Variants in SHTN1 observed in about 807,000 individuals in gnomAD.
SHTN1 encodes shootin 1.
SHTN1 carries 42 observed loss-of-function variants against 83.1 expected under a neutral mutation model. The ratio of observed to expected loss-of-function variants is 0.51; its 90% confidence interval spans 0.39 to 0.65. SHTN1 has a LOEUF of 0.65. Among genes scored for constraint, SHTN1 ranks in the 30% least tolerant of loss-of-function variants. SHTN1 has a pLI of 0.00. For missense variants in SHTN1, 622 were observed against 737.8 expected, an observed-to-expected ratio of 0.84 and a Z score of 1.82; for synonymous variants, 224 against 247.7, an observed-to-expected ratio of 0.90 and a Z score of 0.90.
At chr10:117,002,028 A>G (rs1337944052) in intron 1 of SHTN1, among the ~76,000 whole-genome samples, 1 of 152,176 alleles carries the variant, frequency 6.6e-6, no homozygotes, top group Non-Finnish European at 1.5e-5. Flanking sequence ...AAAATTCAAA[A>G]ACTTGTCAGG....
chr10:116,965,789 T>G (rs780722196), intron 3 of SHTN1, among the ~76,000 whole-genome samples: 8 of 152,162 alleles, frequency 5.3e-5, no homozygotes, highest in Admixed American at 6.5e-5. Context: ...GATTATCTTT[T>G]TTCACCCTCA....
At chr10:116,972,936 A>G (rs1589857608) in intron 2 of SHTN1, among the ~76,000 whole-genome samples, 1 of 152,180 alleles carries the variant, frequency 6.6e-6, no homozygotes, top group Admixed American at 6.5e-5. Context: ...GCTATTTTCC[A>G]TATCTCTTCC....
intron 1 of SHTN1, among the ~76,000 whole-genome samples, chr10:117,054,530 C>T (rs370128753): frequency 1.2e-3 from 181 of 151,656 alleles, no homozygotes; most frequent in Non-Finnish European, 1.5e-3. Flanking sequence ...CTCAGCCTCC[C>T]GAGTAGCTGG....
chr10:116,977,662 C>CTGTG (rs750351561), intron 2 of SHTN1, among the ~76,000 whole-genome samples: 41,949 of 147,656 alleles, frequency 0.28, 6,049 homozygotes, highest in East Asian at 0.53. Context: ...CTTTCTTACT[C>CTGTG]TGTGTGTGTG....
rs553451501 is a variant in SHTN1 at position 116,926,000 on chromosome 10, CA to C, written c.1112+1791del. ...CTCTTTGACAAGAAAGCACTCCTCA[CA>C]AAAAAAAAACTCTTTTCTTTAAAAA... On this transcript the variant is annotated intron_variant, in intron 11 of 16. Coordinates refer to ENST00000355371, the MANE Select transcript of SHTN1 (RefSeq NM_001127211.3). Among the ~76,000 whole-genome samples the C allele has an allele frequency of 1.3e-3, 190 of 146,268 alleles. 2 individuals are homozygous for C. The South Asian group carries it at 0.023, about 18-fold the overall frequency.
At chr10:116,900,238 C>T (rs1847682531) in intron 16 of SHTN1, 1 of 318,840 alleles carries the variant, frequency 3.1e-6, no homozygotes, top group African/African-American at 2.1e-5. Context: ...GTTAATACAG[C>T]AGTCCACAGT....
chr10:116,979,334 T>A, intron 1 of SHTN1, 26 bp from the exon 2 acceptor site: 1 of 1,602,462 alleles, frequency 6.2e-7, no homozygotes, highest in Non-Finnish European at 8.5e-7. Context: ...AAAGCAACAT[T>A]ACAACACTGT....
chr10:116,939,915 G>C (rs1364787668), intron 9 of SHTN1, among the ~76,000 whole-genome samples: 1 of 152,164 alleles, frequency 6.6e-6, no homozygotes, highest in Non-Finnish European at 1.5e-5. Flanking sequence ...TTGGCACACA[G>C]AGGTAGGCTG....
chr10:117,077,298 A>C (rs1023591680), intron 1 of SHTN1, among the ~76,000 whole-genome samples: 12 of 152,222 alleles, frequency 7.9e-5, no homozygotes, highest in African/African-American at 2.9e-4. Flanking sequence ...TAAGATGGAA[A>C]GATAGTGAAT....
chr10:117,029,081 A>T (rs1852369900), intron 2 of SHTN1, among the ~76,000 whole-genome samples: 1 of 152,196 alleles, frequency 6.6e-6, no homozygotes, highest in Non-Finnish European at 1.5e-5. Context: ...AGAGCTGCCC[A>T]AGGCCTTGGG....
intron 14 of SHTN1, among the ~76,000 whole-genome samples, chr10:116,908,564 A>G (rs1848065629): frequency 6.6e-6 from 1 of 152,200 alleles, no homozygotes; most frequent in Non-Finnish European, 1.5e-5. Context: ...GATATTTGAA[A>G]AACACATGGT....
intron 11 of SHTN1, among the ~76,000 whole-genome samples, chr10:116,922,856 A>ACTT (rs1190851606): frequency 1.3e-5 from 2 of 152,130 alleles, no homozygotes; most frequent in African/African-American, 4.8e-5. Context: ...AATCCCAGCT[A>ACTT]CTTGGGAAGC....
intron 3 of SHTN1, among the ~76,000 whole-genome samples, chr10:116,963,762 A>G (rs562823788): frequency 1.3e-5 from 2 of 152,252 alleles, no homozygotes; most frequent in South Asian, 4.1e-4. Context: ...GGGATTCGTT[A>G]AATTATTTTC....
chr10:117,020,499 CAAAA>C (rs375685514), intron 2 of SHTN1, among the ~76,000 whole-genome samples: 1 of 109,414 alleles, frequency 9.1e-6, no homozygotes, highest in Admixed American at 9.7e-5. Context: ...GACTCCGTCT[CAAAA>C]AAAAAAAAAA....
chr10:116,957,684 C>A (rs1850033004), intron 4 of SHTN1, among the ~76,000 whole-genome samples: 1 of 152,184 alleles, frequency 6.6e-6, no homozygotes. Flanking sequence ...GGCTTTGGAT[C>A]ATATGACTTA....
chr10:116,902,446 A>C (rs1847781857), intron 15 of SHTN1, among the ~76,000 whole-genome samples: 1 of 152,212 alleles, frequency 6.6e-6, no homozygotes, highest in African/African-American at 2.4e-5. Context: ...TTTTAATGTG[A>C]ATGAGAAGTA....
chr10:116,987,579 TTA>T (rs1851261397), intron 1 of SHTN1, among the ~76,000 whole-genome samples: 1 of 152,078 alleles, frequency 6.6e-6, no homozygotes, highest in African/African-American at 2.4e-5. Flanking sequence ...ATGATTCCAA[TTA>T]TATGACATTC....
intron 11 of SHTN1, among the ~76,000 whole-genome samples, chr10:116,925,841 CT>C (rs1436430413): frequency 6.6e-6 from 1 of 151,182 alleles, no homozygotes; most frequent in Non-Finnish European, 1.5e-5. Flanking sequence ...AGGCCCTAGT[CT>C]TTTTTTTTCT....
At chr10:117,066,921 C>T (rs1218905335) in intron 1 of SHTN1, among the ~76,000 whole-genome samples, 1 of 152,144 alleles carries the variant, frequency 6.6e-6, no homozygotes, top group Non-Finnish European at 1.5e-5. Flanking sequence ...TGGATACTTC[C>T]AGGTACCTCA....
Sources: allele counts gnomAD v4.1 joint callset (sites outside exome capture counted in the v4.1 genomes callset), GRCh38; gene constraint gnomAD v4.1.1; transcripts MANE v1.5; gene names NCBI Gene and HGNC (gene_info 2026-07-23, HGNC 2026-07-21).